LDLRAD3: variants seen among roughly 807,000 people sequenced by gnomAD.
LDLRAD3 encodes the protein low-density lipoprotein receptor class A domain-containing protein 3.
A neutral mutation model predicts 29.4 loss-of-function variants in LDLRAD3; 20 were observed. That is an observed-to-expected ratio of 0.68 (90% CI 0.48 to 0.99). The LOEUF is 0.99. Among genes scored for constraint, LDLRAD3 ranks in the 50% least tolerant of loss-of-function variants. LDLRAD3 has a pLI of 0.00. For missense variants in LDLRAD3, 420 were observed against 454.3 expected (o/e 0.92, Z 0.69); for synonymous variants, 157 against 192.7 (o/e 0.81, Z 1.53).
chr11:36,122,978 C>T (rs1853781400), intron 4 of LDLRAD3, among the ~76,000 whole-genome samples: 1 of 152,098 alleles, frequency 6.6e-6, no homozygotes, highest in South Asian at 2.1e-4. Context: ...GAGTTTGAGA[C>T]CAGCCTGGGC....
At chr11:36,042,577 TAGCCC>T (rs1011359956) in intron 2 of LDLRAD3, among the ~76,000 whole-genome samples, 34 of 152,346 alleles carry the variant, frequency 2.2e-4, no homozygotes, top group African/African-American at 7.9e-4. Flanking sequence ...GGTTGAATTA[TAGCCC>T]AGCCTTCCCC....
At chr11:35,960,112 T>C (rs989601252) in intron 1 of LDLRAD3, among the ~76,000 whole-genome samples, 3 of 152,370 alleles carry the variant, frequency 2.0e-5, no homozygotes, top group Non-Finnish European at 4.4e-5. Context: ...TAAAGTGTGC[T>C]TAGGTGGCTA....
chr11:36,134,790 G>A (rs1853980087), intron 4 of LDLRAD3, among the ~76,000 whole-genome samples: 1 of 152,218 alleles, frequency 6.6e-6, no homozygotes, highest in South Asian at 2.1e-4. Flanking sequence ...TTGCTGGGAA[G>A]TCTGTCTTTT....
intron 1 of LDLRAD3, among the ~76,000 whole-genome samples, chr11:35,976,034 AGAG>A (rs1162528313): frequency 6.6e-6 from 1 of 151,914 alleles, no homozygotes; most frequent in Non-Finnish European, 1.5e-5. Flanking sequence ...ATATCAGGTA[AGAG>A]GAGTTGGGCT....
intron 4 of LDLRAD3, among the ~76,000 whole-genome samples, chr11:36,192,894 A>G (rs1156369179): frequency 2.0e-5 from 3 of 152,176 alleles, no homozygotes; most frequent in African/African-American, 7.2e-5. Flanking sequence ...TTTGGAGCCA[A>G]ACTCAACGGA....
intron 1 of LDLRAD3, among the ~76,000 whole-genome samples, chr11:36,032,275 C>T (rs1028114888): frequency 6.6e-5 from 10 of 152,182 alleles, no homozygotes; most frequent in Non-Finnish European, 1.2e-4. Context: ...CCGGGGTCAG[C>T]AAACAGCACA....
chr11:36,089,998 G>A (rs1853256305), intron 3 of LDLRAD3, among the ~76,000 whole-genome samples: 1 of 152,082 alleles, frequency 6.6e-6, no homozygotes, highest in East Asian at 1.9e-4. Flanking sequence ...TTTTATAAAA[G>A]CTTATGACAG....
At chr11:36,060,289 G>A (rs963426997) in intron 2 of LDLRAD3, among the ~76,000 whole-genome samples, 1 of 150,052 alleles carries the variant, frequency 6.7e-6, no homozygotes, top group African/African-American at 2.5e-5. Context: ...GGGAGGCGGA[G>A]CTTGCAGTGA....
intron 1 of LDLRAD3, among the ~76,000 whole-genome samples, chr11:35,979,215 C>T (rs1851509859): frequency 6.6e-6 from 1 of 152,096 alleles, no homozygotes; most frequent in South Asian, 2.1e-4. Context: ...CCTTTGGGTA[C>T]CCTCCAGCCG....
intron 2 of LDLRAD3, among the ~76,000 whole-genome samples, chr11:36,044,633 A>G (rs1248801862): frequency 6.6e-6 from 1 of 152,186 alleles, no homozygotes; most frequent in Non-Finnish European, 1.5e-5. Flanking sequence ...CCAGTCTTGG[A>G]CACACATTCA....
intron 4 of LDLRAD3, among the ~76,000 whole-genome samples, chr11:36,192,585 C>A (rs930029353): frequency 6.6e-6 from 1 of 152,212 alleles, no homozygotes; most frequent in Non-Finnish European, 1.5e-5. Context: ...CTGCCCTGCT[C>A]TTCAAAGCAA....
At chr11:35,947,461 G>T (rs1387673831) in intron 1 of LDLRAD3, among the ~76,000 whole-genome samples, 1 of 150,714 alleles carries the variant, frequency 6.6e-6, no homozygotes, top group African/African-American at 2.4e-5. Flanking sequence ...AATAAGCCAA[G>T]ATCGCGCCGC....
intron 4 of LDLRAD3, among the ~76,000 whole-genome samples, chr11:36,219,888 A>C (rs1855404972): frequency 6.6e-6 from 1 of 152,254 alleles, no homozygotes. Context: ...TGAAAAGATA[A>C]GCCATAGACT....
chr11:36,042,761 T>A (rs114123615), intron 2 of LDLRAD3, among the ~76,000 whole-genome samples: 5,431 of 152,288 alleles, frequency 0.036, 127 homozygotes, highest in Non-Finnish European at 0.049. Context: ...CAGAAATATG[T>A]ACAGAGGGAA....
chr11:36,042,825 G>A lies in LDLRAD3; in HGVS notation c.193+6576G>A, dbSNP rs192405896. Reference sequence around the variant, plus strand: ...CAGCTGTCTACACTCCAAGGAGAGGGCCTGGAACAGATCCTTCCATCACAG... The same window carrying A: ...CAGCTGTCTACACTCCAAGGAGAGGACCTGGAACAGATCCTTCCATCACAG... On this transcript the variant is annotated intron_variant, in intron 2 of 5. Transcript: ENST00000315571. Among the ~76,000 whole-genome samples the A allele has an allele frequency of 8.5e-5, 13 of 152,230 alleles. No homozygotes were observed. The East Asian group carries it at 2.5e-3, about 29-fold the overall frequency.
At chr11:36,221,994 G>T (rs532000603) in intron 4 of LDLRAD3, among the ~76,000 whole-genome samples, 34 of 152,274 alleles carry the variant, frequency 2.2e-4, no homozygotes, top group South Asian at 8.3e-4. Flanking sequence ...TATTTAGCCA[G>T]GCTGCAACTG....
At chr11:36,078,742 C>T (rs1196913178) in intron 2 of LDLRAD3, among the ~76,000 whole-genome samples, 2 of 152,212 alleles carry the variant, frequency 1.3e-5, no homozygotes, top group Admixed American at 6.5e-5. Flanking sequence ...CCAGCTCTGC[C>T]TCAGTGCCCC....
At position 35,967,787 on chromosome 11, in the gene LDLRAD3, T is replaced by C. The variant is rs185416500; in HGVS notation, c.46+23643T>C. The C allele has an allele frequency of 9.3e-4, 428 of 460,572 alleles. 1 individual carries two copies. The highest frequency in any genetic ancestry group is 7.9e-3 in the African/African-American group (394 of 49,754). 28.5% of individuals were successfully genotyped at this position (460,572 alleles called of 1,614,324 possible). On this transcript the variant is annotated intron_variant, in intron 1 of 5. Transcript: ENST00000315571. ...TGGCTCTTGGAAGTGATTAGTAGAC[T>C]TAGTGTTTTCAGATATAGCAGCCTG...
chr11:35,952,954 T>G (rs562862684), intron 1 of LDLRAD3, among the ~76,000 whole-genome samples: 1 of 152,334 alleles, frequency 6.6e-6, no homozygotes, highest in East Asian at 1.9e-4. Context: ...GGCCCCATCT[T>G]GTTGCTTCAA....
Sources: allele counts gnomAD v4.1 joint callset (sites outside exome capture counted in the v4.1 genomes callset), GRCh38; gene constraint gnomAD v4.1.1; transcripts MANE v1.5; gene names NCBI Gene and HGNC (gene_info 2026-07-23, HGNC 2026-07-21).